Variants in NCOR2 observed in about 807,000 individuals in gnomAD.
NCOR2 encodes the protein nuclear receptor corepressor 2.
NCOR2 carries 81 observed loss-of-function variants against 262.9 expected under a neutral mutation model. The observed-to-expected ratio is 0.31, with a 90% CI of 0.26 to 0.37. The LOEUF (loss-of-function observed/expected upper bound fraction) is 0.37. Among genes scored for constraint, NCOR2 ranks in the 10% least tolerant of loss-of-function variants. The pLI, the probability that NCOR2 is intolerant of heterozygous loss-of-function variation, is 1.00. For missense variants in NCOR2, 3,385 were observed against 3,621.4 expected, an observed-to-expected ratio of 0.93 and a Z score of 1.68; for synonymous variants, 1,659 against 1,559.3, an observed-to-expected ratio of 1.06 and a Z score of -1.51.
chr12:124,530,772 A>ACT (rs1407745817), intron 1 of NCOR2, among the ~76,000 whole-genome samples: 1 of 152,098 alleles, frequency 6.6e-6, no homozygotes, highest in African/African-American at 2.4e-5. Context: ...TCCTCAGAAA[A>ACT]CTGCCAAGTA....
chr12:124,495,336 T>C (rs548995011), upstream of NCOR2: 5,146 of 1,483,594 alleles, frequency 3.5e-3, 12 homozygotes, highest in Non-Finnish European at 4.2e-3. This position sits in a 1 kb window ranked among gnomAD's most constrained non-coding sequence, Gnocchi z 4.4. Flanking sequence ...CCAGTCCTCG[T>C]CATCAGCTCA....
chr12:124,356,735 T>A, exon 23 of NCOR2: 1 of 1,497,016 alleles, frequency 6.7e-7, no homozygotes, highest in East Asian at 2.7e-5. Context: ...AGGCCGGAAG[T>A]CCAGCAAGGG....
intron 1 of NCOR2, among the ~76,000 whole-genome samples, chr12:124,510,845 C>T (rs144859597): frequency 5.1e-4 from 77 of 152,264 alleles, no homozygotes; most frequent in Non-Finnish European, 9.4e-4. Flanking sequence ...CACCCCGGGC[C>T]CAGGAGGAGA....
rs542329687 is a variant in NCOR2 at position 124,481,703 on chromosome 12, C to T, written c.411+1893G>A. ...TCAGGGAGGTGACGGGGCTGGATCA[C>T]GCCGGACCTGCAGCCCATGGCAAGG... On this transcript the variant is annotated intron_variant, in intron 3 of 46. Coordinates refer to ENST00000405201, the Ensembl canonical transcript of NCOR2. The surrounding 1 kb of genome is among the most constrained non-coding windows in gnomAD (Gnocchi z 4.6). Among the ~76,000 whole-genome samples, 22 of 152,244 alleles carry T rather than the reference C, an allele frequency of 1.4e-4. No individual in the cohort carries two copies. Among genetic ancestry groups the T allele is most frequent in the Middle Eastern group, 3.4e-3 (1 of 294 alleles).
chr12:124,356,152 T>C (rs939863205), intron 23 of NCOR2, among the ~76,000 whole-genome samples: 5 of 152,256 alleles, frequency 3.3e-5, no homozygotes, highest in African/African-American at 9.6e-5. Context: ...TTCCCTGTTC[T>C]TCTGGCTCCC....
intron 17 of NCOR2, among the ~76,000 whole-genome samples, chr12:124,385,266 GC>G (rs1389561566): frequency 2.0e-5 from 3 of 152,114 alleles, no homozygotes; most frequent in Non-Finnish European, 4.4e-5. Flanking sequence ...TGAGACGTCC[GC>G]CCCCGCCCCC....
At chr12:124,502,673 G>A (rs952603370) in intron 1 of NCOR2, among the ~76,000 whole-genome samples, 10 of 152,124 alleles carry the variant, frequency 6.6e-5, no homozygotes, top group Non-Finnish European at 1.3e-4. Context: ...CAGAAAGCTG[G>A]GGTGTTCACT....
At chr12:124,567,410 G>A (rs1429654148) in exon 1 of NCOR2, 1 of 150,816 alleles carries the variant, frequency 6.6e-6, no homozygotes, top group Non-Finnish European at 1.5e-5. Context: ...CGCGCAGCAG[G>A]CCCGGCCTCG....
intron 17 of NCOR2, chr12:124,383,239 A>C (rs567887709): frequency 3.8e-4 from 67 of 175,724 alleles, no homozygotes; most frequent in Non-Finnish European, 2.4e-4. Flanking sequence ...AGGCACAGAG[A>C]GCACAGGTCA....
intron 17 of NCOR2, among the ~76,000 whole-genome samples, chr12:124,381,256 G>A (rs547227186): frequency 6.6e-6 from 1 of 152,192 alleles, no homozygotes; most frequent in African/African-American, 2.4e-5. Context: ...TACACTGGCT[G>A]TTCCCCTGCC....
In NCOR2 at chr12:124,457,067, CGCCCT is replaced by C; in HGVS notation, c.762+34_762+38del. 1 of 1,267,290 alleles carries C rather than the reference CGCCCT, an allele frequency of 7.9e-7. No individual in the cohort carries two copies. Among genetic ancestry groups the C allele is most frequent in the Non-Finnish European group, 1.1e-6 (1 of 925,554 alleles). The allele number at this position is 1,267,290 out of a possible 1,614,324, so 78.5% of individuals were successfully genotyped here. The stretch of plus-strand genomic sequence containing the variant: ...CCCTGCCCACCTCTCCAGCCACCCC[CGCCCT>C]CCCCTGAGCCCCTGACCCTGTACCC... On this transcript the variant is annotated intron_variant, in intron 6 of 46. Coordinates refer to ENST00000405201, the Ensembl canonical transcript of NCOR2. The surrounding 1 kb of genome is among the most constrained non-coding windows in gnomAD (Gnocchi z 4.0).
chr12:124,477,873 C>G (rs150572886), intron 3 of NCOR2, among the ~76,000 whole-genome samples: 1 of 152,338 alleles, frequency 6.6e-6, no homozygotes, highest in Non-Finnish European at 1.5e-5. Flanking sequence ...TGTAAAACTT[C>G]AAGCTAGCGT....
chr12:124,463,793 G>A (rs898349355), intron 5 of NCOR2, among the ~76,000 whole-genome samples: 20 of 152,232 alleles, frequency 1.3e-4, no homozygotes, highest in Non-Finnish European at 1.3e-4. Context: ...AGGCTTTGGA[G>A]GCTCAGAGAC....
At chr12:124,410,374 T>G (rs559517948) in intron 13 of NCOR2, among the ~76,000 whole-genome samples, 17 of 151,728 alleles carry the variant, frequency 1.1e-4, no homozygotes, top group South Asian at 4.2e-4. Context: ...CTGCCTTCCC[T>G]GGGAGCAACA....
At chr12:124,410,392 C>T (rs1467845785) in intron 13 of NCOR2, among the ~76,000 whole-genome samples, 1 of 151,900 alleles carries the variant, frequency 6.6e-6, no homozygotes, top group Non-Finnish European at 1.5e-5. Flanking sequence ...ACATCCCTGA[C>T]TGCAGGACGT....
chr12:124,386,750 T>C (rs1031443413), intron 16 of NCOR2, among the ~76,000 whole-genome samples: 1 of 152,254 alleles, frequency 6.6e-6, no homozygotes, highest in African/African-American at 2.4e-5. Context: ...CAGCCCCTGC[T>C]GCACCGGAGG....
intron 13 of NCOR2, among the ~76,000 whole-genome samples, chr12:124,405,228 C>G (rs1311525375): frequency 6.6e-6 from 1 of 152,218 alleles, no homozygotes; most frequent in Non-Finnish European, 1.5e-5. Flanking sequence ...GTGCCTGGCT[C>G]CGTCCCACAT....
intron 8 of NCOR2, among the ~76,000 whole-genome samples, chr12:124,433,568 G>C (rs933060319): frequency 2.0e-5 from 3 of 152,170 alleles, no homozygotes; most frequent in African/African-American, 4.8e-5. Flanking sequence ...GGGACATCCA[G>C]ACACCTCCAT....
Position 124,335,120 on chromosome 12 carries a change from A to C in NCOR2, c.6411+15T>G. On this transcript the variant is annotated intron_variant, in intron 40 of 46. Coordinates refer to ENST00000405201, the Ensembl canonical transcript of NCOR2. ...GTGCAAAGGTGACAAGCAGCAGCAG[A>C]GAACGCGTAGTTACACTGATGTGCT... The C allele has an allele frequency of 6.2e-7, 1 of 1,612,360 alleles. No homozygotes were observed. The highest frequency in any genetic ancestry group is 8.5e-7 in the Non-Finnish European group (1 of 1,179,896).
Sources: gnomAD v4.1 joint callset for allele counts (sites outside exome capture counted in the v4.1 genomes callset) on GRCh38, gnomAD v4.1.1 for gene constraint, Gnocchi (gnomAD v3.1) non-coding constraint, MANE v1.5 for transcripts, NCBI Gene and HGNC (gene_info 2026-07-23, HGNC 2026-07-21) for gene names.